Variants in PCDHGB1 observed in about 807,000 individuals in gnomAD.
The protein encoded by PCDHGB1 is protocadherin gamma-B1.
PCDHGB1 carries 34 observed loss-of-function variants against 56.6 expected under a neutral mutation model. That is an observed-to-expected ratio of 0.60 (90% CI 0.46 to 0.80). The LOEUF (loss-of-function observed/expected upper bound fraction) is 0.80. Ranked by LOEUF, PCDHGB1 falls within the 30% of genes least tolerant of loss-of-function variation. PCDHGB1 has a pLI of 0.00. For synonymous variants in PCDHGB1, 561 were observed against 505.9 expected, an observed-to-expected ratio of 1.11 and a Z score of -1.46; for missense variants, 1,278 against 1,204.6, an observed-to-expected ratio of 1.06 and a Z score of -0.90.
intron 1 of PCDHGB1, chr5:141,362,063 T>A: frequency 6.2e-7 from 1 of 1,612,390 alleles, no homozygotes. Flanking sequence ...CAGCGCCTGC[T>A]GGTCGCTGTG....
At chr5:141,357,776 T>C (rs1045078426) in intron 1 of PCDHGB1, 19 of 906,498 alleles carry the variant, frequency 2.1e-5, no homozygotes, top group Non-Finnish European at 2.8e-5. Flanking sequence ...CCAATAATGA[T>C]CAACAGTATT....
intron 1 of PCDHGB1, chr5:141,405,162 C>T: frequency 6.2e-7 from 1 of 1,614,098 alleles, no homozygotes; most frequent in Non-Finnish European, 8.5e-7. Flanking sequence ...GGTGTGCCCA[C>T]CTCACACTTT....
At position 141,369,163 on chromosome 5, in the gene PCDHGB1, A is replaced by G. The variant is rs184652156; in HGVS notation, c.2409+16494A>G. Reference sequence around the variant, plus strand: ...AATGGCATGTTATTGACCAGGGAAAAGTGTAAATAACAAAAAGTTAGGATT... The same window carrying G: ...AATGGCATGTTATTGACCAGGGAAAGGTGTAAATAACAAAAAGTTAGGATT... On this transcript the variant is annotated intron_variant, in intron 1 of 3. Transcript: ENST00000523390. Among the ~76,000 whole-genome samples, 9 of 152,372 alleles carry G rather than the reference A, an allele frequency of 5.9e-5. No homozygotes were observed. In the East Asian group the frequency reaches 1.7e-3, roughly 29 times the overall value.
intron 1 of PCDHGB1, chr5:141,478,760 C>T (rs1472984737): frequency 1.5e-5 from 23 of 1,510,888 alleles, no homozygotes; most frequent in Non-Finnish European, 1.9e-5. Context: ...GGGGAAGATA[C>T]TTGACTCATC....
Position 141,375,571 on chromosome 5 carries a change from C to T in PCDHGB1, c.2409+22902C>T, listed in dbSNP as rs760580799. On this transcript the variant is annotated intron_variant, in intron 1 of 3. Coordinates refer to ENST00000523390, the MANE Select transcript of PCDHGB1 (RefSeq NM_018922.3). Reference sequence around the variant, plus strand: ...CCTACTCACTGGCAGAAGACACCCTCCAGGGGGCGCCCCTGTCCTCCTACG... The same window carrying T: ...CCTACTCACTGGCAGAAGACACCCTTCAGGGGGCGCCCCTGTCCTCCTACG... 15 of 1,613,962 alleles carry T rather than the reference C, an allele frequency of 9.3e-6. No individual in the cohort carries two copies. In the Admixed American group the frequency reaches 2.3e-4, roughly 25 times the overall value.
At position 141,369,841 on chromosome 5, in the gene PCDHGB1, A is replaced by G. The variant is rs139634339; in HGVS notation, c.2409+17172A>G. 6.6e-4 allele frequency among the ~76,000 whole-genome samples: 101 copies of G among 152,282 alleles called. No homozygotes were observed. The East Asian group carries it at 0.014, about 20-fold the overall frequency. ...CTTCCATTTGTATGATTTTCTATGT[A>G]TTATTTTATTTGGCCCTCATTTCTA... On this transcript the variant is annotated intron_variant, in intron 1 of 3. Coordinates refer to ENST00000523390, the MANE Select transcript of PCDHGB1 (RefSeq NM_018922.3).
At chr5:141,427,440 G>A (rs747459662) in intron 1 of PCDHGB1, 1 of 477,484 alleles carries the variant, frequency 2.1e-6, no homozygotes, top group South Asian at 1.5e-5. Flanking sequence ...CCTCATAAAC[G>A]AAAGAGTTCC....
chr5:141,384,649 C>T lies in PCDHGB1; in HGVS notation c.2409+31980C>T, dbSNP rs778822731. ...GGAGCTGGCACCCCGCTCCGCAGAGCCCGGCTACCTGGTGACCAAGGTGGT... is the reference window on the plus strand; with the variant it reads ...GGAGCTGGCACCCCGCTCCGCAGAGTCCGGCTACCTGGTGACCAAGGTGGT... On this transcript the variant is annotated intron_variant, in intron 1 of 3. Transcript: ENST00000523390. The T allele has an allele frequency of 3.7e-5, 60 of 1,614,114 alleles. No homozygotes were observed. The Middle Eastern group carries it at 4.9e-4, about 13-fold the overall frequency.
chr5:141,354,916 A>T (rs916741222), intron 1 of PCDHGB1: 11 of 411,270 alleles, frequency 2.7e-5, no homozygotes, highest in Middle Eastern at 1.2e-3. Flanking sequence ...AAAAGTGTAT[A>T]AAAAATAAAC....
intron 1 of PCDHGB1, chr5:141,408,182 C>G: frequency 6.5e-7 from 1 of 1,537,898 alleles, no homozygotes; most frequent in Non-Finnish European, 8.8e-7. Flanking sequence ...AGCGGGGACC[C>G]AGCGAGAACC....
In PCDHGB1 at chr5:141,476,883, A is replaced by G. The variant is rs1266909654; in HGVS notation, c.2410-17924A>G. ...TTGTACCGGGCGCGCGTCCTGGAGG[A>G]TGCACCCTCCGGCACGCGCGTGGTA... On this transcript the variant is annotated intron_variant, in intron 1 of 3. Coordinates refer to ENST00000523390, the MANE Select transcript of PCDHGB1 (RefSeq NM_018922.3). This position sits in a 1 kb window ranked among gnomAD's most constrained non-coding sequence, Gnocchi z 7.6. 1 of 1,613,916 alleles carries G rather than the reference A, an allele frequency of 6.2e-7. No individual in the cohort carries two copies. The highest frequency in any genetic ancestry group is 8.5e-7 in the Non-Finnish European group (1 of 1,180,026).
At chr5:141,384,183 A>G (rs1779806989) in intron 1 of PCDHGB1, 11 of 1,613,812 alleles carry the variant, frequency 6.8e-6, no homozygotes, top group Non-Finnish European at 9.3e-6. Context: ...CAGATGGTGG[A>G]ACTCCTCCCT....
Position 141,366,304 on chromosome 5 carries a change from C to T in PCDHGB1, c.2409+13635C>T, listed in dbSNP as rs373044204. On this transcript the variant is annotated intron_variant, in intron 1 of 3. Coordinates refer to ENST00000523390, the MANE Select transcript of PCDHGB1 (RefSeq NM_018922.3). The stretch of plus-strand genomic sequence containing the variant: ...GCCAGCCCCCTCTGTCAGCCACCTT[C>T]ACGGTCACCGTTGCCGTGGCCGACA... 4.3e-5 allele frequency: 70 copies of T among 1,613,786 alleles called. No individual in the cohort carries two copies. The African/African-American group carries it at 9.1e-4, about 21-fold the overall frequency.
Position 141,410,405 on chromosome 5 carries a change from T to C in PCDHGB1, c.2409+57736T>C, listed in dbSNP as rs777544150. ...CTTCCATCCTGGTCTCTGTGTCAAGTCTGGACCTGTAGTTCCCCCCAACTA... is the reference window on the plus strand; with the variant it reads ...CTTCCATCCTGGTCTCTGTGTCAAGCCTGGACCTGTAGTTCCCCCCAACTA... On this transcript the variant is annotated intron_variant, in intron 1 of 3. Transcript: ENST00000523390. 2.2e-5 allele frequency: 35 copies of C among 1,613,948 alleles called. 1 individual carries two copies. In the East Asian group the frequency reaches 7.8e-4, roughly 36 times the overall value.
Position 141,476,383 on chromosome 5 carries a change from C to T in PCDHGB1, c.2410-18424C>T, listed in dbSNP as rs547854431. The T allele has an allele frequency of 6.2e-7, 1 of 1,613,984 alleles. No homozygotes were observed. The highest frequency in any genetic ancestry group is 8.5e-7 in the Non-Finnish European group (1 of 1,180,044). On this transcript the variant is annotated intron_variant, in intron 1 of 3. Coordinates refer to ENST00000523390, the MANE Select transcript of PCDHGB1 (RefSeq NM_018922.3). This position sits in a 1 kb window ranked among gnomAD's most constrained non-coding sequence, Gnocchi z 7.6. ...GGGAGACCGGAGAGATGTTTGTGAA[C>T]GACCGTCTGGATCGAGAGGAGCTGT...
intron 1 of PCDHGB1, chr5:141,410,296 A>G (rs1424650333): frequency 6.2e-7 from 1 of 1,613,774 alleles, no homozygotes; most frequent in Admixed American, 1.7e-5. Flanking sequence ...CCTTGGCCTT[A>G]ATCTCAGTGC....
At chr5:141,474,871 A>G (rs894657981) in intron 1 of PCDHGB1, among the ~76,000 whole-genome samples, 5 of 152,236 alleles carry the variant, frequency 3.3e-5, no homozygotes, top group African/African-American at 1.2e-4. Context: ...ATAGGATAGG[A>G]GCAGGAACTC....
At chr5:141,376,356 C>T in intron 1 of PCDHGB1, 1 of 1,614,228 alleles carries the variant, frequency 6.2e-7, no homozygotes, top group South Asian at 1.1e-5. Flanking sequence ...CACGAGGTCT[C>T]ACTCACTGCA....
At chr5:141,417,753 C>T (rs889153718) in intron 1 of PCDHGB1, 3 of 1,431,672 alleles carry the variant, frequency 2.1e-6, no homozygotes, top group African/African-American at 2.9e-5. Flanking sequence ...ATTGCCAGCT[C>T]CGAGACCCGG....
Sources: allele counts gnomAD v4.1 joint callset (sites outside exome capture counted in the v4.1 genomes callset), GRCh38; gene constraint gnomAD v4.1.1; non-coding constraint Gnocchi (gnomAD v3.1); transcripts MANE v1.5; gene names NCBI Gene and HGNC (gene_info 2026-07-23, HGNC 2026-07-21).